The following EMID1 variants were observed in gnomAD, a reference collection of about 807,000 sequenced individuals.
The protein encoded by EMID1 is EMI domain containing 1.
EMID1 carries 40 observed loss-of-function variants against 60.6 expected under a neutral mutation model. The observed-to-expected ratio is 0.66, with a 90% confidence interval of 0.51 to 0.86. EMID1 has a LOEUF of 0.86. Ranked by LOEUF, EMID1 falls within the 40% of genes least tolerant of loss-of-function variation. The pLI, the probability that EMID1 is intolerant of heterozygous loss-of-function variation, is 0.00. For missense variants in EMID1, 585 were observed against 597.1 expected (o/e 0.98, Z 0.21); for synonymous variants, 242 against 231.0 (o/e 1.05, Z -0.43).
chr22:29,217,378 C>T (rs369447175), intron 3 of EMID1, among the ~76,000 whole-genome samples: 6 of 152,400 alleles, frequency 3.9e-5, no homozygotes, highest in East Asian at 3.9e-4. Context: ...CAGGTCCCAG[C>T]GTGGGTATGG....
rs1448175376 is a variant in EMID1 at position 29,254,285 on chromosome 22, A to G, written c.1202A>G (p.Tyr401Cys). The part of the protein sequence containing the change: ...VLILETMIGL[Y>C]EPELGSGAGP... ...ATCTTGGAAACAATGATTGGGCTCT[A>G]TGGTGAGTAGAGACAGACAGACGGA... The change falls in exon 14 of 15, where the codon TAT becomes TGT. Residue 401 changes from tyrosine to cysteine, a missense_variant and splice_region_variant. Tyr to Cys is a radical substitution (Grantham distance 194). Coordinates refer to ENST00000334018, the MANE Select transcript of EMID1 (RefSeq NM_133455.4). 1.2e-6 allele frequency: 2 copies of G among 1,613,948 alleles called. No homozygotes were observed. The highest frequency in any genetic ancestry group is 2.2e-5 in the East Asian group (1 of 44,882).
chr22:29,217,540 C>T (rs534822261), intron 3 of EMID1, among the ~76,000 whole-genome samples: 31 of 152,340 alleles, frequency 2.0e-4, no homozygotes, highest in Non-Finnish European at 3.4e-4. Context: ...CATGCCCACT[C>T]GGAGGGAAAG....
intron 8 of EMID1, 106 bp downstream of exon 8, chr22:29,232,508 C>T (rs944016171): frequency 1.6e-5 from 20 of 1,274,648 alleles, no homozygotes; most frequent in Admixed American, 1.2e-4. Flanking sequence ...GCCCTGCTCA[C>T]GATAGGCCAC....
chr22:29,217,542 G>A (rs1057293859), intron 3 of EMID1, among the ~76,000 whole-genome samples: 3 of 152,230 alleles, frequency 2.0e-5, no homozygotes, highest in Non-Finnish European at 1.5e-5. Context: ...TGCCCACTCG[G>A]AGGGAAAGGC....
chr22:29,214,182 C>G (rs905460515), intron 1 of EMID1, among the ~76,000 whole-genome samples: 3 of 152,192 alleles, frequency 2.0e-5, no homozygotes, highest in Non-Finnish European at 4.4e-5. Flanking sequence ...GAGACAGGGC[C>G]TCTCCTCTTG....
chr22:29,217,752 T>G (rs1318239503), intron 3 of EMID1, among the ~76,000 whole-genome samples: 2 of 152,198 alleles, frequency 1.3e-5, no homozygotes, highest in African/African-American at 4.8e-5. Flanking sequence ...TAGAAAACTC[T>G]GCTGGGGTCC....
chr22:29,229,314 G>A (rs765559530), intron 5 of EMID1, among the ~76,000 whole-genome samples: 19 of 152,016 alleles, frequency 1.2e-4, no homozygotes, highest in Non-Finnish European at 2.6e-4. Flanking sequence ...ACTCTAGCCT[G>A]GACGGCAGAG....
intron 3 of EMID1, among the ~76,000 whole-genome samples, chr22:29,217,941 A>G (rs73882501): frequency 0.14 from 21,345 of 152,180 alleles, 1,710 homozygotes; most frequent in East Asian, 0.27. Context: ...CACCAGGGCC[A>G]ACAGGACCCA....
intron 3 of EMID1, chr22:29,216,767 G>C (rs2040099132): frequency 3.1e-6 from 2 of 654,350 alleles, no homozygotes; most frequent in South Asian, 1.3e-4. Context: ...ATGGGGTTCA[G>C]AACTCACCAC....
chr22:29,239,254 AT>A lies in EMID1; in HGVS notation c.1075-4186del, dbSNP rs1188933020. Among the ~76,000 whole-genome samples, 14 of 142,060 alleles carry A rather than the reference AT, an allele frequency of 9.9e-5. 3 individuals are homozygous for A. Among genetic ancestry groups the A allele is most frequent in the African/African-American group, 3.9e-4 (14 of 35,694 alleles). The allele number at this position is 142,060 out of a possible 152,430, so 93.2% of individuals were successfully genotyped here. A position where few individuals can be genotyped will look rare whatever the true frequency, so the allele number is the denominator to read the frequency against. The stretch of plus-strand genomic sequence containing the variant: ...ACAGTGCTTTTTATATCTACCACTT[AT>A]TTTTAATTATTTCTTAGAATATCTT... On this transcript the variant is annotated intron_variant, in intron 12 of 14. Transcript: ENST00000334018.
intron 3 of EMID1, among the ~76,000 whole-genome samples, chr22:29,223,337 G>A (rs1292822485): frequency 1.3e-5 from 2 of 152,242 alleles, no homozygotes; most frequent in Non-Finnish European, 2.9e-5. Context: ...GCAGGTGGGG[G>A]GAGCAGCCGA....
At chr22:29,222,718 A>G (rs2040345543) in intron 3 of EMID1, among the ~76,000 whole-genome samples, 1 of 152,160 alleles carries the variant, frequency 6.6e-6, no homozygotes, top group South Asian at 2.1e-4. Flanking sequence ...TTGACTTTCA[A>G]GACAGTTGTT....
chr22:29,227,873 G>A (rs894338346), intron 5 of EMID1, among the ~76,000 whole-genome samples: 1 of 151,816 alleles, frequency 6.6e-6, no homozygotes, highest in African/African-American at 2.4e-5. Context: ...AAATTAGCCG[G>A]GGCCGAGTGC....
intron 1 of EMID1, among the ~76,000 whole-genome samples, chr22:29,207,089 C>T (rs2039694308): frequency 6.6e-6 from 1 of 152,244 alleles, no homozygotes; most frequent in Non-Finnish European, 1.5e-5. Context: ...GCGGCCCCCA[C>T]CCCCTACGGC....
In EMID1 at chr22:29,243,425, ATC is replaced by A. The variant is rs1468769061; in HGVS notation, c.1075-16_1075-15del. The A allele has an allele frequency of 2.5e-6, 4 of 1,612,204 alleles. No homozygotes were observed. The highest frequency in any genetic ancestry group is 3.4e-6 in the Non-Finnish European group (4 of 1,179,448). ...TCTCCTTGCCTTCCTCACTGCTGCT[ATC>A]TCTGTCTCTCCTTGCAGGGGGAACC... On this transcript the variant is annotated intron_variant, in intron 12 of 14. Transcript: ENST00000334018.
intron 3 of EMID1, among the ~76,000 whole-genome samples, chr22:29,216,044 C>T (rs1251967448): frequency 2.0e-5 from 3 of 152,092 alleles, no homozygotes; most frequent in Non-Finnish European, 2.9e-5. Flanking sequence ...ATGAGGAAAC[C>T]GAGGCTCAGG....
intron 1 of EMID1, among the ~76,000 whole-genome samples, chr22:29,214,058 C>G (rs954606258): frequency 1.3e-5 from 2 of 152,314 alleles, no homozygotes; most frequent in African/African-American, 2.4e-5. Flanking sequence ...AATAAGTGCT[C>G]AATATGTGCA....
At chr22:29,227,681 G>A (rs183328673) in intron 5 of EMID1, among the ~76,000 whole-genome samples, 10 of 143,676 alleles carry the variant, frequency 7.0e-5, no homozygotes, top group African/African-American at 2.6e-4. Context: ...TTCCAGCCTG[G>A]GTAACAGAGC....
chr22:29,230,258 G>A (rs1266981198), intron 5 of EMID1, among the ~76,000 whole-genome samples: 4 of 151,864 alleles, frequency 2.6e-5, no homozygotes, highest in African/African-American at 7.3e-5. Context: ...ACTTGAACCC[G>A]GGAGGCGGAG....
Sources: gnomAD v4.1 joint callset for allele counts (sites outside exome capture counted in the v4.1 genomes callset) on GRCh38, gnomAD v4.1.1 for gene constraint, MANE v1.5 for transcripts, NCBI Gene and HGNC (gene_info 2026-07-23, HGNC 2026-07-21) for gene names.